SEC22A: variants seen among roughly 807,000 people sequenced by gnomAD.
SEC22A encodes the protein vesicle-trafficking protein SEC22a.
In SEC22A, 22 loss-of-function variants were observed where a neutral mutation model predicts 35.3. The observed-to-expected ratio is 0.62, with a 90% CI of 0.45 to 0.89. The LOEUF (loss-of-function observed/expected upper bound fraction) is 0.89. SEC22A is among the 40% of genes least tolerant of loss of function. The probability of loss-of-function intolerance (pLI) is 0.00; values close to 1 mark genes in which losing one functional copy is unlikely to be tolerated. For synonymous variants in SEC22A, 119 were observed against 129.5 expected (o/e 0.92, Z 0.55); for missense variants, 354 against 362.5 (o/e 0.98, Z 0.19).
intron 4 of SEC22A, among the ~76,000 whole-genome samples, chr3:123,230,542 A>G (rs1402874425): frequency 6.6e-6 from 1 of 152,144 alleles, no homozygotes; most frequent in African/African-American, 2.4e-5. Flanking sequence ...AAGGGAATAG[A>G]GCTATATAGG....
In SEC22A at chr3:123,227,227, A is replaced by G. The variant is rs927278230; in HGVS notation, c.541+1930A>G. ...TATTCCAACCTAAGGCTTTAGGAAA[A>G]AAAAAAAACTTCCTTATATAATTGA... On this transcript the variant is annotated intron_variant, in intron 4 of 6. Coordinates refer to ENST00000492595, the MANE Select transcript of SEC22A (RefSeq NM_012430.5). 1.4e-3 allele frequency among the ~76,000 whole-genome samples: 216 copies of G among 152,188 alleles called. 4 individuals are homozygous for G. Among genetic ancestry groups the G allele is most frequent in the Non-Finnish European group, 4.9e-4 (33 of 67,978 alleles).
At chr3:123,260,686 T>G (rs2108100005) in intron 6 of SEC22A, among the ~76,000 whole-genome samples, 1 of 152,344 alleles carries the variant, frequency 6.6e-6, no homozygotes, top group South Asian at 2.1e-4. Context: ...AGAAAAAATG[T>G]TAAGAGTCAG....
At position 123,219,258 on chromosome 3, in the gene SEC22A, A is replaced by G. The variant is rs75608987; in HGVS notation, c.183-4301A>G. Among the ~76,000 whole-genome samples the G allele has an allele frequency of 5.8e-3, 883 of 152,290 alleles. 8 individuals carry two copies. The highest frequency in any genetic ancestry group is 0.02 in the African/African-American group (829 of 41,562). On this transcript the variant is annotated intron_variant, in intron 2 of 6. Transcript: ENST00000492595. ...AGAGAGGGAGGAGTAAAGATGTACA[A>G]AATGAAGTGGAGTGTTTGGGAGGGC...
At position 123,207,278 on chromosome 3, in the gene SEC22A, T is replaced by C. The variant is rs75765740; in HGVS notation, c.-19-1921T>C. 8.8e-3 allele frequency among the ~76,000 whole-genome samples: 1,347 copies of C among 152,326 alleles called. 11 individuals are homozygous for C. The highest frequency in any genetic ancestry group is 0.03 in the African/African-American group (1,264 of 41,556). ...TGACTTCACACAGCAGTGAAAACTA[T>C]CAGCTCCTGATTTACAAGCTTTGTA... On this transcript the variant is annotated intron_variant, in intron 1 of 6. Coordinates refer to ENST00000492595, the MANE Select transcript of SEC22A (RefSeq NM_012430.5).
chr3:123,203,179 G>T (rs1936785212), intron 1 of SEC22A, among the ~76,000 whole-genome samples: 1 of 144,630 alleles, frequency 6.9e-6, no homozygotes, highest in African/African-American at 2.6e-5. Flanking sequence ...CCTTCCTTGA[G>T]TGTCTCACAG....
intron 4 of SEC22A, among the ~76,000 whole-genome samples, chr3:123,228,437 G>T (rs9819651): frequency 0.21 from 30,788 of 149,358 alleles, 3,326 homozygotes; most frequent in Middle Eastern, 0.27. Context: ...TAGTTGGGCA[G>T]GGTGGCACAT....
intron 6 of SEC22A, among the ~76,000 whole-genome samples, chr3:123,269,139 C>A (rs1938089763): frequency 6.8e-6 from 1 of 147,330 alleles, no homozygotes; most frequent in Admixed American, 6.8e-5. Context: ...GGGTAGAGAC[C>A]TATTATTTTA....
chr3:123,256,510 TCCTACCTTG>T (rs1937735653), intron 5 of SEC22A, among the ~76,000 whole-genome samples: 1 of 152,162 alleles, frequency 6.6e-6, no homozygotes. Context: ...TTGATTCTCT[TCCTACCTTG>T]CCTACCTGGT....
rs1479858012 is a variant in SEC22A, at chr3:123,273,692, C to T, written c.*1970C>T. ...GTGTGGTTGCGCGTGCCTTTAGTCC[C>T]AGCTACTCGGGAGGCTGAGGCAGGA... On this transcript the variant is annotated 3_prime_UTR_variant, in exon 7 of 7. Coordinates refer to ENST00000492595, the MANE Select transcript of SEC22A (RefSeq NM_012430.5). 1 of 152,190 alleles carries T rather than the reference C, an allele frequency of 6.6e-6. No individual in the cohort carries two copies. Among genetic ancestry groups the T allele is most frequent in the African/African-American group, 2.4e-5 (1 of 41,420 alleles). The allele number at this position is 152,190 out of a possible 1,614,324, so 9.4% of individuals were successfully genotyped here.
intron 1 of SEC22A, among the ~76,000 whole-genome samples, chr3:123,203,142 T>G (rs1223971142): frequency 7.2e-6 from 1 of 139,710 alleles, no homozygotes; most frequent in African/African-American, 2.7e-5. Flanking sequence ...GAAAGAGGCC[T>G]AGGTCTTATC....
At chr3:123,238,463 T>C (rs1394125938) in intron 4 of SEC22A, among the ~76,000 whole-genome samples, 2 of 152,222 alleles carry the variant, frequency 1.3e-5, no homozygotes, top group African/African-American at 4.8e-5. Flanking sequence ...CCCAAAGTGC[T>C]GGGATTACAG....
chr3:123,257,744 A>G (rs1937768729), intron 5 of SEC22A, among the ~76,000 whole-genome samples: 1 of 152,126 alleles, frequency 6.6e-6, no homozygotes, highest in Non-Finnish European at 1.5e-5. Flanking sequence ...TAATCCCAGC[A>G]CTTTGGGAGG....
At chr3:123,246,379 G>A (rs559156947) in intron 5 of SEC22A, among the ~76,000 whole-genome samples, 1 of 152,302 alleles carries the variant, frequency 6.6e-6, no homozygotes, top group African/African-American at 2.4e-5. Flanking sequence ...GGAGAAGGAA[G>A]GTTTTGTGGA....
rs189086803 is a variant in SEC22A at position 123,258,334 on chromosome 3, A to G, written c.658-1190A>G. ...AGTTGTGGCATTTATAGGTTATATT[A>G]ATTTCTTCTTTGTATAATCTGTATT... On this transcript the variant is annotated intron_variant, in intron 5 of 6. Coordinates refer to ENST00000492595, the MANE Select transcript of SEC22A (RefSeq NM_012430.5). Among the ~76,000 whole-genome samples, 199 of 152,300 alleles carry G rather than the reference A, an allele frequency of 1.3e-3. 1 individual carries two copies. Among genetic ancestry groups the G allele is most frequent in the African/African-American group, 2.0e-3 (82 of 41,560 alleles).
intron 6 of SEC22A, among the ~76,000 whole-genome samples, chr3:123,269,215 G>GTA (rs1553713614): frequency 4.4e-4 from 60 of 136,882 alleles, no homozygotes; most frequent in East Asian, 1.2e-3. Flanking sequence ...GTGTGTGTGT[G>GTA]TATATATTAC....
intron 4 of SEC22A, among the ~76,000 whole-genome samples, chr3:123,238,924 T>C (rs1411136196): frequency 3.9e-5 from 6 of 152,190 alleles, no homozygotes; most frequent in Non-Finnish European, 5.9e-5. Flanking sequence ...ATAGTATAAA[T>C]AAACAGAATG....
At chr3:123,229,415 T>C (rs1049026623) in intron 4 of SEC22A, among the ~76,000 whole-genome samples, 1 of 152,130 alleles carries the variant, frequency 6.6e-6, no homozygotes, top group Non-Finnish European at 1.5e-5. Context: ...ACATACAAAT[T>C]GCTGAAAGAA....
chr3:123,238,761 C>T (rs1459638032), intron 4 of SEC22A, among the ~76,000 whole-genome samples: 1 of 152,116 alleles, frequency 6.6e-6, no homozygotes, highest in African/African-American at 2.4e-5. Context: ...ATCCTCTCCC[C>T]ACAGTCTGGC....
rs565163800 is a variant in SEC22A, at chr3:123,204,516, T to G, written c.-20+2530T>G. ...GCTTTGTTTATTACCTTTTGAGAGA[T>G]AACTTCCTGAGACATTGAGCCTGTA... On this transcript the variant is annotated intron_variant, in intron 1 of 6. Coordinates refer to ENST00000492595, the MANE Select transcript of SEC22A (RefSeq NM_012430.5). Among the ~76,000 whole-genome samples the G allele has an allele frequency of 3.3e-5, 5 of 152,368 alleles. No individual in the cohort carries two copies. The South Asian group carries it at 6.2e-4, about 19-fold the overall frequency.
Sources: allele counts gnomAD v4.1 joint callset (sites outside exome capture counted in the v4.1 genomes callset), GRCh38; gene constraint gnomAD v4.1.1; transcripts MANE v1.5; gene names NCBI Gene and HGNC (gene_info 2026-07-23, HGNC 2026-07-21).